TBC1D32: variants seen among roughly 807,000 people sequenced by gnomAD.
TBC1D32 encodes the protein protein broad-minded.
TBC1D32 carries 151 observed loss-of-function variants against 170.3 expected under a neutral mutation model. That is an observed-to-expected ratio of 0.89 (90% CI 0.78 to 1.01). The LOEUF (loss-of-function observed/expected upper bound fraction) is 1.01. Ranked by LOEUF, TBC1D32 falls within the 50% of genes least tolerant of loss-of-function variation. The pLI, the probability that TBC1D32 is intolerant of heterozygous loss-of-function variation, is 0.00. For missense variants in TBC1D32, 1,464 were observed against 1,457.1 expected (o/e 1.00, Z -0.08); for synonymous variants, 498 against 488.0 (o/e 1.02, Z -0.27).
intron 15 of TBC1D32, among the ~76,000 whole-genome samples, chr6:121,278,689 TATA>T (rs1160171890): frequency 6.6e-6 from 1 of 152,110 alleles, no homozygotes; most frequent in Non-Finnish European, 1.5e-5. Flanking sequence ...ATGTATAAAA[TATA>T]ATACCATTTT....
At chr6:121,260,500 T>A (rs1799610991) in intron 15 of TBC1D32, among the ~76,000 whole-genome samples, 1 of 151,716 alleles carries the variant, frequency 6.6e-6, no homozygotes, top group South Asian at 2.1e-4. Flanking sequence ...GCATGACCCA[T>A]GGAGAGGAAG....
chr6:121,269,728 C>G (rs900208857), intron 15 of TBC1D32, among the ~76,000 whole-genome samples: 2 of 152,034 alleles, frequency 1.3e-5, no homozygotes, highest in African/African-American at 4.8e-5. Context: ...ACAAGGATAT[C>G]CAGGAATTGA....
chr6:121,191,986 G>A (rs1048607282), intron 22 of TBC1D32, among the ~76,000 whole-genome samples: 2 of 151,190 alleles, frequency 1.3e-5, no homozygotes, highest in Non-Finnish European at 1.5e-5. Flanking sequence ...ACTTGGACTG[G>A]CTCTCCTTGC....
rs567602776 is a variant in TBC1D32 at position 121,085,507 on chromosome 6, C to T, written c.3655-4617G>A. On this transcript the variant is annotated intron_variant, in intron 31 of 31. Coordinates refer to ENST00000398212, the MANE Select transcript of TBC1D32 (RefSeq NM_152730.6). ...TCCTGGATGCAGTCCCTTAAATTTT[C>T]GAATCCTTGGCATTGGCATTGGCAT... Among the ~76,000 whole-genome samples, 228 of 151,424 alleles carry T rather than the reference C, an allele frequency of 1.5e-3. 1 individual carries two copies. The highest frequency in any genetic ancestry group is 2.4e-3 in the Non-Finnish European group (163 of 67,782).
chr6:121,311,342 A>C (rs1041398697), intron 3 of TBC1D32, among the ~76,000 whole-genome samples: 2 of 152,198 alleles, frequency 1.3e-5, no homozygotes, highest in African/African-American at 4.8e-5. Flanking sequence ...AGTTTATAGT[A>C]GATTATAAGA....
At chr6:121,138,080 C>T (rs1227526345) in intron 24 of TBC1D32, among the ~76,000 whole-genome samples, 1 of 152,016 alleles carries the variant, frequency 6.6e-6, no homozygotes, top group Admixed American at 6.5e-5. Flanking sequence ...TTTACTCTTA[C>T]CATAATAAGC....
At chr6:121,304,884 T>C (rs1466469247) in intron 5 of TBC1D32, 51 bp from the exon 6 acceptor site, 4 of 1,209,188 alleles carry the variant, frequency 3.3e-6, no homozygotes, top group East Asian at 2.3e-5. Flanking sequence ...AAGAATAGAA[T>C]AGAGATGAAA....
At chr6:121,261,970 C>A (rs6920055) in intron 15 of TBC1D32, among the ~76,000 whole-genome samples, 1 of 151,978 alleles carries the variant, frequency 6.6e-6, no homozygotes, top group Non-Finnish European at 1.5e-5. Context: ...AAACACAACA[C>A]GAAAACTCTG....
chr6:121,334,505 A>T (rs1238094916), upstream of TBC1D32: 24 of 1,481,534 alleles, frequency 1.6e-5, no homozygotes, highest in Admixed American at 1.3e-4. Context: ...GCGCACGCGC[A>T]CCCCCACCCA....
intron 24 of TBC1D32, among the ~76,000 whole-genome samples, chr6:121,134,287 T>C (rs1781772940): frequency 6.6e-6 from 1 of 152,160 alleles, no homozygotes; most frequent in South Asian, 2.1e-4. Flanking sequence ...CATATAGCCC[T>C]TTCATAGGCT....
intron 12 of TBC1D32, among the ~76,000 whole-genome samples, chr6:121,287,516 A>T (rs1167731746): frequency 2.0e-5 from 3 of 152,100 alleles, no homozygotes; most frequent in Non-Finnish European, 4.4e-5. Context: ...GTCCTTAGAG[A>T]CCTACAAAGA....
At chr6:121,262,529 T>G (rs902605774) in intron 15 of TBC1D32, among the ~76,000 whole-genome samples, 1 of 151,514 alleles carries the variant, frequency 6.6e-6, no homozygotes, top group African/African-American at 2.4e-5. Context: ...CAGGCTGGAA[T>G]GCAGTGGCAT....
At chr6:121,125,457 A>G (rs1780724134) in intron 26 of TBC1D32, among the ~76,000 whole-genome samples, 1 of 152,064 alleles carries the variant, frequency 6.6e-6, no homozygotes. Flanking sequence ...GCCCCTCGGT[A>G]TCTCCTGTAG....
rs146260579 is a variant in TBC1D32, at chr6:121,240,120, G to T, written c.2246-932C>A. Among the ~76,000 whole-genome samples the T allele has an allele frequency of 3.6e-3, 550 of 152,106 alleles. 2 individuals carry two copies. The highest frequency in any genetic ancestry group is 0.012 in the African/African-American group (515 of 41,494). The stretch of plus-strand genomic sequence containing the variant: ...GTGAAGTTCCTAATATAGTACCTAC[G>T]ACATCGGAGAAGCTCAAGAAACTGT... On this transcript the variant is annotated intron_variant, in intron 19 of 31. Transcript: ENST00000398212.
At chr6:121,255,182 T>C (rs1006416610) in intron 17 of TBC1D32, 146 bp downstream of exon 17, 4 of 361,622 alleles carry the variant, frequency 1.1e-5, no homozygotes, top group Non-Finnish European at 1.5e-5. Context: ...CTCTAAAGTT[T>C]TTCCAAACTA....
chr6:121,201,480 T>C (rs1562883127), intron 22 of TBC1D32, among the ~76,000 whole-genome samples: 1 of 151,232 alleles, frequency 6.6e-6, no homozygotes, highest in Non-Finnish European at 1.5e-5. Flanking sequence ...GCAGAGTTGA[T>C]CAGTACTGTC....
rs1335822652 is a variant in TBC1D32 at position 121,090,891 on chromosome 6, G to A, written c.3616C>T (p.Gln1206Ter). 2 of 1,612,448 alleles carry A rather than the reference G, an allele frequency of 1.2e-6. No homozygotes were observed. Among genetic ancestry groups the A allele is most frequent in the Non-Finnish European group, 1.7e-6 (2 of 1,179,546 alleles). The change falls in exon 31 of 32, where the codon CAG becomes TAG. Residue 1206 changes from glutamine (Q) to a stop codon, truncating the protein, a stop_gained. Coordinates refer to ENST00000398212, the MANE Select transcript of TBC1D32 (RefSeq NM_152730.6). LOFTEE classifies it high-confidence loss of function. Reference sequence around the variant, plus strand: ...TGCAGATCTTGAGTCTGAGTGTGCTGTAGAATGTCTTGCTGTAAATGTTTG... The same window carrying A: ...TGCAGATCTTGAGTCTGAGTGTGCTATAGAATGTCTTGCTGTAAATGTTTG... Reference protein sequence around the residue: ...VFKHLQQDILQHTQTQDLQVF... With the variant: ...VFKHLQQDIL
chr6:121,289,751 C>T (rs1229524595), intron 12 of TBC1D32, among the ~76,000 whole-genome samples: 3 of 152,102 alleles, frequency 2.0e-5, no homozygotes, highest in African/African-American at 7.2e-5. Context: ...TCAAACTATA[C>T]TACAAGGCTA....
At chr6:121,173,955 T>TA (rs968381811) in intron 22 of TBC1D32, among the ~76,000 whole-genome samples, 11 of 149,874 alleles carry the variant, frequency 7.3e-5, no homozygotes, top group East Asian at 1.9e-4. Flanking sequence ...AGATACATAC[T>TA]AAAAAAAAAG....
Sources: gnomAD v4.1 joint callset for allele counts (sites outside exome capture counted in the v4.1 genomes callset) on GRCh38, gnomAD v4.1.1 for gene constraint, MANE v1.5 for transcripts, NCBI Gene and HGNC (gene_info 2026-07-23, HGNC 2026-07-21) for gene names.